LMTK2: variants seen among roughly 807,000 people sequenced by gnomAD.
LMTK2 encodes lemur tail kinase 2.
A neutral mutation model predicts 127.5 loss-of-function variants in LMTK2; 37 were observed. The observed-to-expected ratio is 0.29, with a 90% CI of 0.22 to 0.38. The LOEUF is 0.38. Ranked by LOEUF, LMTK2 falls within the 10% of genes least tolerant of loss-of-function variation. The pLI, the probability that LMTK2 is intolerant of heterozygous loss-of-function variation, is 1.00. For missense variants in LMTK2, 1,694 were observed against 1,920.3 expected, an observed-to-expected ratio of 0.88 and a Z score of 2.20; for synonymous variants, 819 against 810.1, an observed-to-expected ratio of 1.01 and a Z score of -0.19.
At chr7:98,150,230 C>T (rs989190831) in intron 3 of LMTK2, among the ~76,000 whole-genome samples, 31 of 151,706 alleles carry the variant, frequency 2.0e-4, no homozygotes, top group Admixed American at 1.2e-3. Context: ...ATCACTTGAA[C>T]CCGGGAGGCG....
chr7:98,135,479 CTTTTA>C (rs1360560502), intron 1 of LMTK2, among the ~76,000 whole-genome samples: 1 of 151,866 alleles, frequency 6.6e-6, no homozygotes, highest in East Asian at 1.9e-4. Flanking sequence ...GCCCAGCTAA[CTTTTA>C]TTTTTATTGC....
chr7:98,203,841 C>A (rs1258127496), intron 12 of LMTK2, 103 bp from the exon 13 acceptor site: 1 of 1,574,786 alleles, frequency 6.4e-7, no homozygotes, highest in Non-Finnish European at 8.7e-7. Flanking sequence ...GCCAGCCGGG[C>A]CGGGCTGTGT....
Position 98,106,929 on chromosome 7 carries a change from C to G in LMTK2, c.-249C>G. On this transcript the variant is annotated 5_prime_UTR_variant, in exon 1 of 14. Coordinates refer to ENST00000297293, the MANE Select transcript of LMTK2 (RefSeq NM_014916.4). ...CCAGGCCCGCCGCTCCGCAGGGCTG[C>G]TGGCGTTGCTGCTGTTGAGAGGCGG... 1 of 459,684 alleles carries G rather than the reference C, an allele frequency of 2.2e-6. No individual in the cohort carries two copies. Among genetic ancestry groups the G allele is most frequent in the East Asian group, 3.5e-5 (1 of 28,178 alleles). 28.5% of individuals were successfully genotyped at this position (459,684 alleles called of 1,614,324 possible).
intron 5 of LMTK2, among the ~76,000 whole-genome samples, chr7:98,158,763 A>C (rs1375272624): frequency 6.6e-6 from 1 of 152,214 alleles, no homozygotes; most frequent in Non-Finnish European, 1.5e-5. Flanking sequence ...AGACTTAAGC[A>C]TCTTTGGTTT....
intron 8 of LMTK2, among the ~76,000 whole-genome samples, chr7:98,186,628 A>G (rs1470021409): frequency 2.6e-5 from 4 of 152,150 alleles, no homozygotes; most frequent in Non-Finnish European, 5.9e-5. Context: ...GACACAGCGT[A>G]CTTTCTTATC....
rs11978955 is a variant in LMTK2, at chr7:98,167,470, A to C, written c.658-4071A>C. 3.6e-3 allele frequency among the ~76,000 whole-genome samples: 542 copies of C among 152,326 alleles called. 4 individuals carry two copies. Among genetic ancestry groups the C allele is most frequent in the African/African-American group, 0.013 (524 of 41,576 alleles). ...GGAGACTGGCGCAGGTGTGTCCTCAAGGTGGGGTGGTGCTGGGACCAATAC... is the reference window on the plus strand; with the variant it reads ...GGAGACTGGCGCAGGTGTGTCCTCACGGTGGGGTGGTGCTGGGACCAATAC... On this transcript the variant is annotated intron_variant, in intron 6 of 13. Coordinates refer to ENST00000297293, the MANE Select transcript of LMTK2 (RefSeq NM_014916.4).
intron 6 of LMTK2, 70 bp downstream of exon 6, chr7:98,159,495 CA>C: frequency 2.9e-6 from 3 of 1,018,250 alleles, no homozygotes; most frequent in Non-Finnish European, 4.7e-6. Context: ...GACAGATGGA[CA>C]TGCTGGATGA....
At chr7:98,204,854 C>T (rs1338878873) in intron 13 of LMTK2, among the ~76,000 whole-genome samples, 1 of 152,222 alleles carries the variant, frequency 6.6e-6, no homozygotes, top group Non-Finnish European at 1.5e-5. Context: ...CAGAGAGAAC[C>T]TGCTCTTCAG....
At chr7:98,107,959 A>T (rs939642948) in intron 1 of LMTK2, among the ~76,000 whole-genome samples, 2 of 151,862 alleles carry the variant, frequency 1.3e-5, no homozygotes, top group African/African-American at 4.8e-5. Context: ...TTTTCTCAAC[A>T]TCGTTTTTAT....
chr7:98,136,707 G>A (rs1469293694), intron 1 of LMTK2, among the ~76,000 whole-genome samples: 1 of 152,220 alleles, frequency 6.6e-6, no homozygotes, highest in Non-Finnish European at 1.5e-5. Context: ...AAGCAGGACA[G>A]TTCACCCCAC....
rs577938329 is a variant in LMTK2, at chr7:98,130,888, C to T, written c.104-6427C>T. Among the ~76,000 whole-genome samples the T allele has an allele frequency of 7.9e-5, 12 of 152,262 alleles. 1 individual carries two copies. The South Asian group carries it at 1.4e-3, about 18-fold the overall frequency. ...ATACTTGATTATGACAGCCCTAGCACGTTAATGGCCATATCAAGAGTAGGC... is the reference window on the plus strand; with the variant it reads ...ATACTTGATTATGACAGCCCTAGCATGTTAATGGCCATATCAAGAGTAGGC... On this transcript the variant is annotated intron_variant, in intron 1 of 13. Coordinates refer to ENST00000297293, the MANE Select transcript of LMTK2 (RefSeq NM_014916.4).
chr7:98,205,380 G>A, intron 13 of LMTK2, 84 bp from the exon 14 acceptor site: 4 of 1,517,852 alleles, frequency 2.6e-6, no homozygotes, highest in Non-Finnish European at 3.7e-6. Context: ...TTCCTGTGGT[G>A]CAGCGCACAT....
intron 9 of LMTK2, among the ~76,000 whole-genome samples, chr7:98,189,719 C>T (rs1797493467): frequency 6.6e-6 from 1 of 152,188 alleles, no homozygotes; most frequent in Non-Finnish European, 1.5e-5. Flanking sequence ...AGGAAGCCAG[C>T]AGAGGCTGTT....
At chr7:98,179,629 TTCTCCCTCCCTCCCTC>T (rs1172962363) in intron 7 of LMTK2, among the ~76,000 whole-genome samples, 1 of 109,366 alleles carries the variant, frequency 9.1e-6, no homozygotes, top group Non-Finnish European at 1.8e-5. Context: ...CTCCCTCCCT[TTCTCCCTCCCTCCCTC>T]TCTCCCTTGC....
At position 98,192,080 on chromosome 7, in the gene LMTK2, GT is replaced by G; in HGVS notation, c.1620del (p.Phe540LeufsTer16). 6 of 1,572,578 alleles carry G rather than the reference GT, an allele frequency of 3.8e-6. No homozygotes were observed. Among genetic ancestry groups the G allele is most frequent in the Admixed American group, 1.9e-5 (1 of 53,374 alleles). ...VPLRVPGVVP[V>X]FDAHNLSVGS... Reference sequence around the variant, plus strand: ...CCTGAGGGTCCCTGGAGTGGTTCCTGTTTTTGATGCCCACAACCTTTCTGTT... The same window carrying G: ...CCTGAGGGTCCCTGGAGTGGTTCCTGTTTTGATGCCCACAACCTTTCTGTT... On this transcript the variant is annotated frameshift_variant, in exon 11 of 14. Transcript: ENST00000297293. LOFTEE classifies it high-confidence loss of function.
Position 98,147,304 on chromosome 7 carries a change from G to A in LMTK2, c.377-4078G>A, listed in dbSNP as rs536841829. 1.6e-4 allele frequency among the ~76,000 whole-genome samples: 25 copies of A among 151,732 alleles called. No individual in the cohort carries two copies. The East Asian group carries it at 1.7e-3, about 11-fold the overall frequency. ...TGCAATCATGGTTCACTGCAGCCTCGACTTCCTGGGCTCCAGTGATCCTCC... is the reference window on the plus strand; with the variant it reads ...TGCAATCATGGTTCACTGCAGCCTCAACTTCCTGGGCTCCAGTGATCCTCC... On this transcript the variant is annotated intron_variant, in intron 3 of 13. Coordinates refer to ENST00000297293, the MANE Select transcript of LMTK2 (RefSeq NM_014916.4).
Position 98,150,081 on chromosome 7 carries a change from G to A in LMTK2, c.377-1301G>A, listed in dbSNP as rs139867762. On this transcript the variant is annotated intron_variant, in intron 3 of 13. Coordinates refer to ENST00000297293, the MANE Select transcript of LMTK2 (RefSeq NM_014916.4). ...AAAATGCACTTTGGGAGGCCGAGGC[G>A]GGCGGATCACAAGGTTAGGAGTTTG... is the stretch of plus-strand genomic sequence containing the variant. Among the ~76,000 whole-genome samples the A allele has an allele frequency of 2.1e-3, 327 of 152,144 alleles. 1 individual carries two copies. Among genetic ancestry groups the A allele is most frequent in the African/African-American group, 5.5e-3 (227 of 41,516 alleles).
intron 1 of LMTK2, 23 bp downstream of exon 1, chr7:98,107,303 C>T: frequency 1.1e-5 from 11 of 1,032,682 alleles, no homozygotes; most frequent in Non-Finnish European, 1.2e-5. Flanking sequence ...GCGGCGGGGA[C>T]GGGGCTGCGG....
rs760809575 is a variant in LMTK2, at chr7:98,194,097, G to A, written c.3632G>A (p.Ser1211Asn). The change falls in exon 11 of 14, where the codon AGC becomes AAC. Residue 1211 changes from serine to asparagine, a missense_variant. Around this residue, in one of 8 missense-constraint regions of LMTK2, gnomAD observed 554 missense variants for 567.7 expected, o/e 0.98. Coordinates refer to ENST00000297293, the MANE Select transcript of LMTK2 (RefSeq NM_014916.4). The surrounding 1 kb of genome is among the most constrained non-coding windows in gnomAD (Gnocchi z 5.4). The stretch of plus-strand genomic sequence containing the variant: ...AGTGTGCTGAATGCAGAACTTAGCA[G>A]CGGCGATGACTTCGAGACACAGGAC... ...PWSVLNAELS[S>N]GDDFETQDDR... The A allele has an allele frequency of 6.2e-7, 1 of 1,614,142 alleles. No individual in the cohort carries two copies. The highest frequency in any genetic ancestry group is 8.5e-7 in the Non-Finnish European group (1 of 1,180,044).
Sources: gnomAD v4.1 joint callset for allele counts (sites outside exome capture counted in the v4.1 genomes callset) on GRCh38, gnomAD v4.1.1 for gene constraint, gnomAD v4.1.1 regional missense constraint, Gnocchi (gnomAD v3.1) non-coding constraint, MANE v1.5 for transcripts, NCBI Gene and HGNC (gene_info 2026-07-23, HGNC 2026-07-21) for gene names.